The following PAN3 variants were observed in gnomAD, a reference collection of about 807,000 sequenced individuals.
The protein encoded by PAN3 is PAN2-PAN3 deadenylation complex subunit PAN3.
PAN3 carries 19 observed loss-of-function variants against 96.2 expected under a neutral mutation model. The ratio of observed to expected loss-of-function variants is 0.20; its 90% CI spans 0.14 to 0.29. The LOEUF (loss-of-function observed/expected upper bound fraction) is 0.29, where lower values mean the gene tolerates loss of function less well. Ranked by LOEUF, PAN3 falls within the 10% of genes least tolerant of loss-of-function variation. The pLI, the probability that PAN3 is intolerant of heterozygous loss-of-function variation, is 1.00. For missense variants in PAN3, 882 were observed against 1,108.1 expected (o/e 0.80, Z 2.90); for synonymous variants, 433 against 406.6 (o/e 1.06, Z -0.78).
chr13:28,263,026 G>A (rs564680821), intron 9 of PAN3, among the ~76,000 whole-genome samples: 1 of 152,276 alleles, frequency 6.6e-6, no homozygotes, highest in South Asian at 2.1e-4. Flanking sequence ...TCCAGTCAAA[G>A]CATAACTTCC....
intron 5 of PAN3, chr13:28,214,960 T>C: frequency 2.2e-6 from 3 of 1,371,094 alleles, no homozygotes; most frequent in Non-Finnish European, 3.1e-6. Flanking sequence ...AAACAACTAA[T>C]TGTTGGTGTT....
intron 4 of PAN3, 147 bp downstream of exon 4, chr13:28,178,082 T>C (rs927424660): frequency 1.5e-6 from 1 of 669,622 alleles, no homozygotes; most frequent in Non-Finnish European, 2.5e-6. Context: ...TTATCCTTTT[T>C]CTTTATCTTT....
intron 5 of PAN3, among the ~76,000 whole-genome samples, chr13:28,217,292 G>C (rs1422730884): frequency 6.6e-6 from 1 of 150,688 alleles, no homozygotes; most frequent in East Asian, 2.0e-4. Flanking sequence ...CATGAAAATT[G>C]GGGGGCAGGC....
intron 1 of PAN3, among the ~76,000 whole-genome samples, chr13:28,147,397 T>C (rs575981740): frequency 2.2e-4 from 33 of 152,268 alleles, no homozygotes; most frequent in Non-Finnish European, 4.0e-4. Flanking sequence ...CAGTACTGAC[T>C]TAAAATAGTT....
chr13:28,163,726 A>G (rs1873174714), intron 1 of PAN3, among the ~76,000 whole-genome samples: 1 of 152,242 alleles, frequency 6.6e-6, no homozygotes, highest in South Asian at 2.1e-4. Flanking sequence ...TATAATGAGT[A>G]TATCATTGTA....
At chr13:28,219,747 T>C (rs1299388733) in intron 5 of PAN3, among the ~76,000 whole-genome samples, 1 of 152,240 alleles carries the variant, frequency 6.6e-6, no homozygotes, top group Non-Finnish European at 1.5e-5. Flanking sequence ...TAAATGTTTC[T>C]CTAACCTTTA....
intron 18 of PAN3, among the ~76,000 whole-genome samples, chr13:28,291,138 A>G (rs1173933267): frequency 1.3e-5 from 2 of 152,198 alleles, no homozygotes; most frequent in Non-Finnish European, 2.9e-5. Flanking sequence ...GATTATACAA[A>G]ATTAAGATTT....
chr13:28,289,467 G>A lies in PAN3; in HGVS notation c.2523+1345G>A, dbSNP rs78757992. Reference sequence around the variant, plus strand: ...TAATTTTTGTCCTTTTGGTCGATACGGGATTTCACCATGTTGCTCAGGCTG... The same window carrying A: ...TAATTTTTGTCCTTTTGGTCGATACAGGATTTCACCATGTTGCTCAGGCTG... On this transcript the variant is annotated intron_variant, in intron 18 of 18. Transcript: ENST00000380958. 9.1e-3 allele frequency among the ~76,000 whole-genome samples: 1,381 copies of A among 152,102 alleles called. 26 individuals are homozygous for A. Among genetic ancestry groups the A allele is most frequent in the African/African-American group, 0.028 (1,170 of 41,492 alleles).
intron 6 of PAN3, among the ~76,000 whole-genome samples, chr13:28,227,676 T>C (rs762661012): frequency 3.2e-4 from 49 of 152,182 alleles, no homozygotes; most frequent in Non-Finnish European, 4.4e-5. Flanking sequence ...TGGAAATCTG[T>C]AGAAGCATAG....
intron 6 of PAN3, among the ~76,000 whole-genome samples, chr13:28,251,481 C>G (rs1461826954): frequency 6.6e-6 from 1 of 151,984 alleles, no homozygotes; most frequent in African/African-American, 2.4e-5. Context: ...GATTTCTTGT[C>G]GGGATTCCTG....
intron 1 of PAN3, 100 bp downstream of exon 1, chr13:28,139,187 C>G: frequency 8.5e-7 from 1 of 1,180,158 alleles, no homozygotes; most frequent in South Asian, 3.9e-5. Context: ...CCCGCGGGCT[C>G]CCCCCCTCAC....
intron 6 of PAN3, among the ~76,000 whole-genome samples, chr13:28,238,246 A>G (rs1425922881): frequency 2.6e-5 from 4 of 152,196 alleles, no homozygotes; most frequent in Admixed American, 2.0e-4. Context: ...AGTACAGAAA[A>G]GTGATATAAG....
intron 6 of PAN3, among the ~76,000 whole-genome samples, chr13:28,254,455 T>C (rs754129086): frequency 4.6e-5 from 7 of 152,202 alleles, no homozygotes; most frequent in Non-Finnish European, 1.0e-4. Flanking sequence ...ACAAATTTAC[T>C]CATCTTTGGT....
chr13:28,267,936 A>G (rs1019352411), intron 12 of PAN3, among the ~76,000 whole-genome samples: 4 of 152,228 alleles, frequency 2.6e-5, no homozygotes, highest in African/African-American at 9.6e-5. Context: ...ATGATGGTCA[A>G]GAAGTTAGGA....
rs185337466 is a variant in PAN3 at position 28,145,477 on chromosome 13, A to G, written c.430+6390A>G. On this transcript the variant is annotated intron_variant, in intron 1 of 18. Transcript: ENST00000380958. The stretch of plus-strand genomic sequence containing the variant: ...GTAGCTGGACTTACAGGCACATGCC[A>G]CCGTGCCTGGCTAATTTCTTTGCCT... 3.1e-3 allele frequency among the ~76,000 whole-genome samples: 470 copies of G among 152,058 alleles called. 4 individuals are homozygous for G. The highest frequency in any genetic ancestry group is 3.8e-3 in the Non-Finnish European group (258 of 67,980).
chr13:28,274,644 G>T (rs1232874664), intron 14 of PAN3, among the ~76,000 whole-genome samples: 1 of 152,032 alleles, frequency 6.6e-6, no homozygotes, highest in Non-Finnish European at 1.5e-5. Context: ...TAAGCATTTA[G>T]GGCACCTTAT....
intron 6 of PAN3, among the ~76,000 whole-genome samples, chr13:28,222,913 T>G (rs186968699): frequency 7.8e-4 from 119 of 152,290 alleles, no homozygotes; most frequent in African/African-American, 2.6e-3. Flanking sequence ...TTATGTAAAC[T>G]AGGGTAACAT....
intron 6 of PAN3, among the ~76,000 whole-genome samples, chr13:28,231,254 C>T (rs185830932): frequency 1.3e-5 from 2 of 152,216 alleles, no homozygotes; most frequent in Admixed American, 1.3e-4. Flanking sequence ...TAATTAATGA[C>T]AGTTCATCTA....
chr13:28,145,058 C>T (rs1364309386), intron 1 of PAN3, among the ~76,000 whole-genome samples: 1 of 152,040 alleles, frequency 6.6e-6, no homozygotes, highest in Non-Finnish European at 1.5e-5. Context: ...GAATTTTTCC[C>T]CCAATTTTAA....
Sources: allele counts gnomAD v4.1 joint callset (sites outside exome capture counted in the v4.1 genomes callset), GRCh38; gene constraint gnomAD v4.1.1; transcripts MANE v1.5; gene names NCBI Gene and HGNC (gene_info 2026-07-23, HGNC 2026-07-21).